The following DGKI variants were observed in gnomAD, a reference collection of about 807,000 sequenced individuals.
The protein encoded by DGKI is DAG kinase iota.
In DGKI, 55 loss-of-function variants were observed where a neutral mutation model predicts 147.5. The ratio of observed to expected loss-of-function variants is 0.37; its 90% confidence interval spans 0.30 to 0.47. The LOEUF (loss-of-function observed/expected upper bound fraction) is 0.47. DGKI is among the 20% of genes least tolerant of loss of function. The pLI is 1.00. For synonymous variants in DGKI, 469 were observed against 477.1 expected, an observed-to-expected ratio of 0.98 and a Z score of 0.22; for missense variants, 1,007 against 1,323.8, an observed-to-expected ratio of 0.76 and a Z score of 3.71.
intron 28 of DGKI, among the ~76,000 whole-genome samples, chr7:137,438,464 T>C (rs935623130): frequency 3.3e-5 from 5 of 152,142 alleles, no homozygotes; most frequent in African/African-American, 7.2e-5. Context: ...ATGGGAACTC[T>C]TATCCACTGA....
intron 1 of DGKI, among the ~76,000 whole-genome samples, chr7:137,803,882 C>T (rs184527764): frequency 4.4e-4 from 67 of 152,314 alleles, no homozygotes; most frequent in Non-Finnish European, 6.8e-4. Flanking sequence ...CCCTAACACC[C>T]GCTCACTATA....
chr7:137,740,473 T>G (rs1207860312), intron 1 of DGKI, among the ~76,000 whole-genome samples: 2 of 152,116 alleles, frequency 1.3e-5, no homozygotes, highest in African/African-American at 2.4e-5. Context: ...CAATGGCAGG[T>G]GTATGGTGTA....
intron 23 of DGKI, among the ~76,000 whole-genome samples, chr7:137,479,621 C>T (rs1189041607): frequency 6.6e-6 from 1 of 152,202 alleles, no homozygotes; most frequent in Middle Eastern, 3.2e-3. Context: ...AAGCAATATT[C>T]ACCTAGTGTT....
At chr7:137,501,666 A>G (rs1014999304) in intron 21 of DGKI, among the ~76,000 whole-genome samples, 1 of 152,196 alleles carries the variant, frequency 6.6e-6, no homozygotes, top group East Asian at 1.9e-4. Flanking sequence ...CACAACCTTT[A>G]GCACAGCATC....
At chr7:137,505,250 G>A (rs1470446856) in intron 21 of DGKI, among the ~76,000 whole-genome samples, 1 of 152,126 alleles carries the variant, frequency 6.6e-6, no homozygotes, top group Non-Finnish European at 1.5e-5. Flanking sequence ...AAGGAAGCTG[G>A]TTGTCCCACA....
chr7:137,504,346 A>G (rs1330832978), intron 21 of DGKI, among the ~76,000 whole-genome samples: 1 of 152,206 alleles, frequency 6.6e-6, no homozygotes, highest in African/African-American at 2.4e-5. Flanking sequence ...TCAAAGCACA[A>G]ACAAACTATC....
At chr7:137,487,167 A>C (rs923517030) in intron 22 of DGKI, among the ~76,000 whole-genome samples, 15 of 152,128 alleles carry the variant, frequency 9.9e-5, no homozygotes, top group African/African-American at 3.4e-4. Flanking sequence ...ACAAATTCCT[A>C]TGAGATGTAG....
At chr7:137,514,992 T>C (rs547786137) in intron 21 of DGKI, among the ~76,000 whole-genome samples, 15 of 152,278 alleles carry the variant, frequency 9.9e-5, no homozygotes, top group African/African-American at 3.4e-4. Context: ...GCCCCCTCCA[T>C]GTGCTGACCC....
intron 28 of DGKI, among the ~76,000 whole-genome samples, chr7:137,437,630 C>T (rs374507149): frequency 2.0e-5 from 3 of 152,000 alleles, no homozygotes; most frequent in Admixed American, 1.3e-4. Flanking sequence ...AAATTTGATA[C>T]GCTAATTTTA....
chr7:137,510,745 T>G (rs991093002), intron 21 of DGKI, among the ~76,000 whole-genome samples: 1 of 152,216 alleles, frequency 6.6e-6, no homozygotes, highest in Admixed American at 6.6e-5. Flanking sequence ...TCATGCAGCC[T>G]GGAATTTCTG....
intron 21 of DGKI, among the ~76,000 whole-genome samples, chr7:137,502,684 A>C (rs1563056688): frequency 6.6e-6 from 1 of 152,110 alleles, no homozygotes; most frequent in Non-Finnish European, 1.5e-5. Context: ...CTATTTTTAA[A>C]ATGAGGAAAA....
intron 1 of DGKI, among the ~76,000 whole-genome samples, chr7:137,719,885 A>G (rs1794493130): frequency 1.3e-5 from 2 of 152,238 alleles, no homozygotes; most frequent in Admixed American, 1.3e-4. Flanking sequence ...TGAATAAAAA[A>G]AGACAGTAAC....
chr7:137,398,646 A>T (rs1462510177), intron 30 of DGKI, among the ~76,000 whole-genome samples: 1 of 152,140 alleles, frequency 6.6e-6, no homozygotes, highest in African/African-American at 2.4e-5. Flanking sequence ...TTGGCCAAGG[A>T]CAACATAACA....
chr7:137,738,169 A>G (rs1365497647), intron 1 of DGKI, among the ~76,000 whole-genome samples: 1 of 152,160 alleles, frequency 6.6e-6, no homozygotes, highest in Non-Finnish European at 1.5e-5. Flanking sequence ...AGACAAATTA[A>G]TGCAGTTAGC....
At chr7:137,700,209 C>G (rs1448959301) in intron 1 of DGKI, among the ~76,000 whole-genome samples, 1 of 152,156 alleles carries the variant, frequency 6.6e-6, no homozygotes, top group Non-Finnish European at 1.5e-5. Context: ...TGGAAGGAAA[C>G]AGAAGTCATC....
chr7:137,817,264 GTGTCTCAT>G (rs1294219975), intron 1 of DGKI, among the ~76,000 whole-genome samples: 1 of 152,084 alleles, frequency 6.6e-6, no homozygotes, highest in African/African-American at 2.4e-5. Flanking sequence ...TCAGTTCAAA[GTGTCTCAT>G]TGTCTAATTC....
intron 28 of DGKI, among the ~76,000 whole-genome samples, chr7:137,418,706 T>C (rs377230292): frequency 1.7e-4 from 26 of 151,968 alleles, no homozygotes; most frequent in South Asian, 4.1e-4. Flanking sequence ...ATAGTAGCAG[T>C]CAGCTAACTC....
chr7:137,691,813 T>TTTTTTTTTTTTTC, intron 1 of DGKI, among the ~76,000 whole-genome samples: 1 of 140,132 alleles, frequency 7.1e-6, no homozygotes. Context: ...TTTTTTTTTT[T>TTTTTTTTTTTTTC]TTTTTTTTAA....
At position 137,454,617 on chromosome 7, in the gene DGKI, T is replaced by G. The variant is rs187109518; in HGVS notation, c.2735+8872A>C. On this transcript the variant is annotated intron_variant, in intron 27 of 32. Transcript: ENST00000614521. ...AAAGAAATAATTAAACCCAGCACAGTTGTGAAGCAATAAAGGATGGGTGGC... is the reference window on the plus strand; with the variant it reads ...AAAGAAATAATTAAACCCAGCACAGGTGTGAAGCAATAAAGGATGGGTGGC... The G allele has an allele frequency of 7.9e-5, 12 of 152,220 alleles. No homozygotes were observed. In the East Asian group the frequency reaches 2.3e-3, roughly 29 times the overall value. The allele number at this position is 152,220 out of a possible 1,614,324, so 9.4% of individuals were successfully genotyped here. A position where few individuals can be genotyped will look rare whatever the true frequency, so the allele number is the denominator to read the frequency against.
Sources: gnomAD v4.1 joint callset for allele counts (sites outside exome capture counted in the v4.1 genomes callset) on GRCh38, gnomAD v4.1.1 for gene constraint, MANE v1.5 for transcripts, NCBI Gene and HGNC (gene_info 2026-07-23, HGNC 2026-07-21) for gene names.